The following EPS8L2 variants were observed in gnomAD, a reference collection of about 807,000 sequenced individuals.
The protein encoded by EPS8L2 is epidermal growth factor receptor kinase substrate 8-like protein 2.
In EPS8L2, 81 loss-of-function variants were observed where a neutral mutation model predicts 99.4. The observed-to-expected ratio is 0.82, with a 90% CI of 0.68 to 0.98. The LOEUF is 0.98. EPS8L2 is among the 50% of genes least tolerant of loss of function. EPS8L2 has a pLI of 0.00. For missense variants in EPS8L2, 1,155 were observed against 968.8 expected, an observed-to-expected ratio of 1.19 and a Z score of -2.55; for synonymous variants, 509 against 407.3, an observed-to-expected ratio of 1.25 and a Z score of -3.01.
Position 721,089 on chromosome 11 carries a change from C to A in EPS8L2, c.583C>A (p.Arg195=). 1 of 1,508,360 alleles carries A rather than the reference C, an allele frequency of 6.6e-7. No individual in the cohort carries two copies. The highest frequency in any genetic ancestry group is 1.2e-5 in the South Asian group (1 of 80,944). 93.4% of individuals were successfully genotyped at this position (1,508,360 alleles called of 1,614,324 possible). ...LKGHQEKIRQ[R]QSILPPPQGP... is the part of the protein sequence containing the mutation. Reference sequence around the variant, plus strand: ...GGGACACCAGGAGAAGATTCGGCAGCGGCAGTCCATCCTGCCTCCTCCCCA... The same window carrying A: ...GGGACACCAGGAGAAGATTCGGCAGAGGCAGTCCATCCTGCCTCCTCCCCA... The change falls in exon 8 of 21, where the codon CGG becomes AGG. Residue 195 remains arginine (R), a synonymous_variant. Coordinates refer to ENST00000318562, the MANE Select transcript of EPS8L2 (RefSeq NM_022772.4).
chr11:726,292 G>A lies in EPS8L2; in HGVS notation c.1754-12G>A. 6.3e-7 allele frequency: 1 copy of A among 1,597,150 alleles called. No homozygotes were observed. Among genetic ancestry groups the A allele is most frequent in the East Asian group, 2.3e-5 (1 of 44,082 alleles). ...CAAGGCAGCGGCGGGCCTGAGTCGCGCGCCCCCTCAGAGCTCATGCAGCAC... is the reference window on the plus strand; with the variant it reads ...CAAGGCAGCGGCGGGCCTGAGTCGCACGCCCCCTCAGAGCTCATGCAGCAC... On this transcript the variant is annotated splice_polypyrimidine_tract_variant and intron_variant, in intron 18 of 20. Coordinates refer to ENST00000318562, the MANE Select transcript of EPS8L2 (RefSeq NM_022772.4).
At chr11:710,327 G>A (rs1861851422) in intron 3 of EPS8L2, 95 bp from the exon 4 acceptor site, 5 of 1,254,162 alleles carry the variant, frequency 4.0e-6, no homozygotes, top group South Asian at 1.2e-5. Context: ...GCCTCCCTCC[G>A]CTTGACTCCA....
At chr11:725,594 G>A in intron 16 of EPS8L2, 134 bp from the exon 17 acceptor site, 1 of 815,720 alleles carries the variant, frequency 1.2e-6, no homozygotes. Context: ...GGAAACAGGG[G>A]TGCGGAGAGA....
chr11:706,428 C>A (rs1861715473), intron 1 of EPS8L2, 140 bp downstream of exon 1: 1 of 152,402 alleles, frequency 6.6e-6, no homozygotes, highest in South Asian at 2.1e-4. Flanking sequence ...GCGGCCGGGC[C>A]GAGGGCGCGG....
Position 722,117 on chromosome 11 carries a change from C to T in EPS8L2, c.1011C>T (p.Asn337=), listed in dbSNP as rs770664319. The T allele has an allele frequency of 5.0e-6, 8 of 1,613,028 alleles. No individual in the cohort carries two copies. The South Asian group carries it at 7.7e-5, about 15-fold the overall frequency. ...CAAAGCTGCAGAAGCACATCCAGAA[C>T]CCCAGCGCCGCGGAGCTCGTGCACT... ...LLAKLQKHIQ[N]PSAAELVHFL... is the part of the protein sequence containing the mutation. Residue 337 remains asparagine (N), a synonymous_variant, in exon 12 of 21, where the codon AAC becomes AAT. Coordinates refer to ENST00000318562, the MANE Select transcript of EPS8L2 (RefSeq NM_022772.4).
chr11:709,721 C>G, intron 3 of EPS8L2, 113 bp downstream of exon 3: 1 of 1,295,716 alleles, frequency 7.7e-7, no homozygotes, highest in South Asian at 1.3e-5. Flanking sequence ...CCCAGGGGAT[C>G]TCCGGGTGCC....
At chr11:719,363 G>T (rs561050546) in intron 4 of EPS8L2, among the ~76,000 whole-genome samples, 1 of 147,264 alleles carries the variant, frequency 6.8e-6, no homozygotes. Context: ...TGCACCGAAC[G>T]GCCAACCCTT....
intron 5 of EPS8L2, 61 bp from the exon 6 acceptor site, chr11:720,536 C>T: frequency 1.3e-6 from 2 of 1,556,996 alleles, no homozygotes; most frequent in Non-Finnish European, 1.7e-6. Flanking sequence ...CAGCTCCGGC[C>T]ACTCCCTGCC....
intron 4 of EPS8L2, among the ~76,000 whole-genome samples, chr11:715,154 ATG>A (rs1861988838): frequency 6.6e-5 from 10 of 151,934 alleles, no homozygotes; most frequent in Admixed American, 2.0e-4. Flanking sequence ...AGGCAGGAGA[ATG>A]GCGTGAACCC....
chr11:724,925 C>A lies in EPS8L2; in HGVS notation c.1560+96C>A. 1 of 896,808 alleles carries A rather than the reference C, an allele frequency of 1.1e-6. No individual in the cohort carries two copies. Among genetic ancestry groups the A allele is most frequent in the Admixed American group, 2.0e-5 (1 of 50,692 alleles). 55.6% of individuals were successfully genotyped at this position (896,808 alleles called of 1,614,324 possible). ...AGGTGGGGAGCGGTCTAGGGCCAGG[C>A]TGGGTGATGCCAGGACGGGGCACAG... On this transcript the variant is annotated intron_variant, in intron 16 of 20. Coordinates refer to ENST00000318562, the MANE Select transcript of EPS8L2 (RefSeq NM_022772.4). The surrounding 1 kb of genome is among the most constrained non-coding windows in gnomAD (Gnocchi z 5.5).
At position 726,695 on chromosome 11, in the gene EPS8L2, G is replaced by C; in HGVS notation, c.2011G>C (p.Gly671Arg). Residue 671 changes from glycine to arginine, a missense_variant, in exon 20 of 21, where the codon GGC (glycine) becomes CGC (arginine). Transcript: ENST00000318562. ...CAAGGAGGAGCTGAAGAAAGTGTGCGGCGAGGAGGGCGTCCGCGTGTACAG... is the reference window on the plus strand; with the variant it reads ...CAAGGAGGAGCTGAAGAAAGTGTGCCGCGAGGAGGGCGTCCGCGTGTACAG... ...LNKEELKKVCGEEGVRVYSQL... is the reference protein window; with the variant it reads ...LNKEELKKVCREEGVRVYSQL... 6.3e-7 allele frequency: 1 copy of C among 1,587,286 alleles called. No individual in the cohort carries two copies. The highest frequency in any genetic ancestry group is 8.6e-7 in the Non-Finnish European group (1 of 1,168,382).
At position 722,539 on chromosome 11, in the gene EPS8L2, A is replaced by C. The variant is rs1286663744; in HGVS notation, c.1198A>C (p.Met400Leu). ...GTGGGAGTCACTGGGAGAGAGCTGG[A>C]TGCGGCCCCGGTAGGGCAGGGCAGA... is the stretch of plus-strand genomic sequence containing the variant. The part of the protein sequence containing the change: ...SLWESLGESW[M>L]RPRSEWPREP... Residue 400 changes from methionine to leucine, a missense_variant, in exon 13 of 21, where the codon ATG (methionine) becomes CTG (leucine). Physicochemically the swap from Met to Leu is conservative, Grantham distance 15 (BLOSUM62 2). Transcript: ENST00000318562. 12 of 1,612,864 alleles carry C rather than the reference A, an allele frequency of 7.4e-6. No homozygotes were observed. Among genetic ancestry groups the C allele is most frequent in the Non-Finnish European group, 1.0e-5 (12 of 1,179,864 alleles).
rs1040204580 is a variant in EPS8L2 at position 725,992 on chromosome 11, C to T, written c.1681-106C>T. On this transcript the variant is annotated intron_variant, in intron 17 of 20. Coordinates refer to ENST00000318562, the MANE Select transcript of EPS8L2 (RefSeq NM_022772.4). ...CCCTGGGCAGAAGGAAAGGGCTGGTCCGCAGGCCGGGGCTGTAGGGGGATT... is the reference window on the plus strand; with the variant it reads ...CCCTGGGCAGAAGGAAAGGGCTGGTTCGCAGGCCGGGGCTGTAGGGGGATT... The T allele has an allele frequency of 1.7e-5, 22 of 1,325,560 alleles. No individual in the cohort carries two copies. The African/African-American group carries it at 2.9e-4, about 17-fold the overall frequency. 82.1% of individuals were successfully genotyped at this position (1,325,560 alleles called of 1,614,324 possible).
At chr11:712,388 G>A (rs995423792) in intron 4 of EPS8L2, among the ~76,000 whole-genome samples, 2 of 142,062 alleles carry the variant, frequency 1.4e-5, no homozygotes, top group South Asian at 2.3e-4. Flanking sequence ...GTCCAAGCCT[G>A]GGTGCGAGCT....
At chr11:720,802 C>A in intron 6 of EPS8L2, 28 bp from the exon 7 acceptor site, 2 of 1,542,670 alleles carry the variant, frequency 1.3e-6, no homozygotes, top group Non-Finnish European at 1.7e-6. Flanking sequence ...GCCCCGCCCT[C>A]CTGGCCGCCT....
In EPS8L2 at chr11:726,735, A is replaced by G. The variant is rs747365856; in HGVS notation, c.2051A>G (p.Gln684Arg). The part of the protein sequence containing the change: ...GVRVYSQLTM[Q>R]KAFLEKQQSG... ...CGCGTGTACAGCCAGCTCACCATGCAGAAGGCCTTCCTGGAGGTGAGCCCG... is the reference window on the plus strand; with the variant it reads ...CGCGTGTACAGCCAGCTCACCATGCGGAAGGCCTTCCTGGAGGTGAGCCCG... Residue 684 changes from glutamine (Q) to arginine (R), a missense_variant, in exon 20 of 21, where the codon CAG becomes CGG. By Grantham distance (43) the Gln-to-Arg change is conservative (BLOSUM62 1). Coordinates refer to ENST00000318562, the MANE Select transcript of EPS8L2 (RefSeq NM_022772.4). 3.1e-6 allele frequency: 5 copies of G among 1,594,870 alleles called. No individual in the cohort carries two copies. The highest frequency in any genetic ancestry group is 1.8e-4 in the Middle Eastern group (1 of 5,518).
intron 4 of EPS8L2, among the ~76,000 whole-genome samples, chr11:716,331 G>A (rs1016282100): frequency 1.3e-5 from 2 of 152,004 alleles, no homozygotes; most frequent in African/African-American, 2.4e-5. Flanking sequence ...TGTGTTTTTA[G>A]TAGAGATAGG....
chr11:709,128 C>T (rs1861814363), intron 1 of EPS8L2: 1 of 523,972 alleles, frequency 1.9e-6, no homozygotes, highest in Non-Finnish European at 3.3e-6. Context: ...CACCTAGGGT[C>T]TGAGGCATGA....
intron 17 of EPS8L2, 97 bp from the exon 18 acceptor site, chr11:726,001 G>T (rs934002775): frequency 7.7e-7 from 1 of 1,302,408 alleles, no homozygotes; most frequent in East Asian, 2.6e-5. Context: ...TCCGCAGGCC[G>T]GGGCTGTAGG....
Sources: gnomAD v4.1 joint callset for allele counts (sites outside exome capture counted in the v4.1 genomes callset) on GRCh38, gnomAD v4.1.1 for gene constraint, Gnocchi (gnomAD v3.1) non-coding constraint, MANE v1.5 for transcripts, NCBI Gene and HGNC (gene_info 2026-07-23, HGNC 2026-07-21) for gene names.